The following CCBE1 variants were observed in gnomAD, a reference collection of about 807,000 sequenced individuals.
The protein encoded by CCBE1 is collagen and calcium-binding EGF domain-containing protein 1.
A neutral mutation model predicts 50.0 loss-of-function variants in CCBE1; 37 were observed. That is an observed-to-expected ratio of 0.74 (90% confidence interval 0.57 to 0.97). The LOEUF is 0.97. Among genes scored for constraint, CCBE1 ranks in the 50% least tolerant of loss-of-function variants. The pLI, the probability that CCBE1 is intolerant of heterozygous loss-of-function variation, is 0.00. For synonymous variants in CCBE1, 234 were observed against 203.7 expected (o/e 1.15, Z -1.27); for missense variants, 538 against 523.8 (o/e 1.03, Z -0.26).
At chr18:59,657,039 C>T (rs114192261) in intron 2 of CCBE1, among the ~76,000 whole-genome samples, 6 of 152,182 alleles carry the variant, frequency 3.9e-5, no homozygotes, top group African/African-American at 1.4e-4. Context: ...ATGTCTCCAC[C>T]CTTTGTCTTT....
intron 2 of CCBE1, among the ~76,000 whole-genome samples, chr18:59,604,379 T>C (rs1197453606): frequency 6.6e-6 from 1 of 152,194 alleles, no homozygotes; most frequent in Non-Finnish European, 1.5e-5. Context: ...GGCTGCATCA[T>C]CTTCCATTTT....
At chr18:59,647,844 A>G (rs556170586) in intron 2 of CCBE1, among the ~76,000 whole-genome samples, 9 of 152,332 alleles carry the variant, frequency 5.9e-5, no homozygotes, top group Non-Finnish European at 1.3e-4. Context: ...TTGAGTAAAA[A>G]TTTATTTTAA....
chr18:59,656,892 A>G (rs1026014508), intron 2 of CCBE1, among the ~76,000 whole-genome samples: 2 of 152,198 alleles, frequency 1.3e-5, no homozygotes, highest in Non-Finnish European at 1.5e-5. Flanking sequence ...GTAATCTGCC[A>G]TTAGCTAAGC....
intron 2 of CCBE1, among the ~76,000 whole-genome samples, chr18:59,572,868 C>T (rs371403045): frequency 1.4e-4 from 21 of 152,236 alleles, no homozygotes; most frequent in African/African-American, 3.4e-4. Context: ...TGTGTCAATC[C>T]GGTTAGACCA....
chr18:59,538,477 G>A (rs528256955), intron 2 of CCBE1, among the ~76,000 whole-genome samples: 2 of 152,168 alleles, frequency 1.3e-5, no homozygotes, highest in Non-Finnish European at 2.9e-5. Context: ...CCTGTCCATA[G>A]AGCATACATA....
intron 2 of CCBE1, among the ~76,000 whole-genome samples, chr18:59,674,063 G>A (rs1371005277): frequency 3.9e-5 from 6 of 152,086 alleles, no homozygotes; most frequent in East Asian, 1.9e-4. Context: ...CTATGAATCC[G>A]TCTGGTCCCA....
At chr18:59,530,057 T>C (rs1914988695) in intron 2 of CCBE1, among the ~76,000 whole-genome samples, 1 of 152,196 alleles carries the variant, frequency 6.6e-6, no homozygotes, top group Non-Finnish European at 1.5e-5. Flanking sequence ...TCTATGACGT[T>C]CCCAGGTGAT....
At chr18:59,654,227 A>G (rs887966956) in intron 2 of CCBE1, among the ~76,000 whole-genome samples, 3 of 152,334 alleles carry the variant, frequency 2.0e-5, no homozygotes, top group Middle Eastern at 3.4e-3. Context: ...AAAGTAATGT[A>G]TGATGGAAAT....
At chr18:59,506,476 G>A (rs1015006517) in intron 2 of CCBE1, among the ~76,000 whole-genome samples, 1 of 152,246 alleles carries the variant, frequency 6.6e-6, no homozygotes, top group African/African-American at 2.4e-5. Context: ...AGGAATGAAG[G>A]GAGGGAGAGG....
chr18:59,560,743 A>T (rs994558647), intron 2 of CCBE1, among the ~76,000 whole-genome samples: 1 of 152,218 alleles, frequency 6.6e-6, no homozygotes, highest in Admixed American at 6.5e-5. Flanking sequence ...AGAGTGTGGC[A>T]GGGCGGGTTA....
intron 2 of CCBE1, among the ~76,000 whole-genome samples, chr18:59,552,941 A>G (rs571341719): frequency 6.6e-6 from 1 of 152,230 alleles, no homozygotes; most frequent in Non-Finnish European, 1.5e-5. Context: ...AAAGATATAA[A>G]ACAGTAACAC....
At chr18:59,558,922 G>A (rs939193900) in intron 2 of CCBE1, among the ~76,000 whole-genome samples, 1 of 152,192 alleles carries the variant, frequency 6.6e-6, no homozygotes, top group Non-Finnish European at 1.5e-5. Flanking sequence ...ATAAAATCAC[G>A]TTTCACCTGC....
In CCBE1 at chr18:59,696,104, A is replaced by G. The variant is rs113423180; in HGVS notation, c.212+525T>C. On this transcript the variant is annotated intron_variant, in intron 2 of 10. Coordinates refer to ENST00000439986, the MANE Select transcript of CCBE1 (RefSeq NM_133459.4). ...AGGTGAATCTGTGGCCCACATTTTT[A>G]GAAAGACTTTTTTCCTCTGCCCCAA... Among the ~76,000 whole-genome samples, 136 of 151,522 alleles carry G rather than the reference A, an allele frequency of 9.0e-4. 1 individual carries two copies. Among genetic ancestry groups the G allele is most frequent in the African/African-American group, 3.3e-3 (133 of 40,818 alleles).
chr18:59,558,877 A>C (rs4608425), intron 2 of CCBE1, among the ~76,000 whole-genome samples: 89,253 of 152,060 alleles, frequency 0.59, 26,841 homozygotes, highest in East Asian at 0.79. Flanking sequence ...TGAGAAAGCT[A>C]GTTTGAGAAA....
At chr18:59,694,159 C>T (rs1294296948) in intron 2 of CCBE1, among the ~76,000 whole-genome samples, 4 of 152,030 alleles carry the variant, frequency 2.6e-5, no homozygotes, top group East Asian at 1.9e-4. Flanking sequence ...CATGAGCCAC[C>T]GCACCCGGCC....
chr18:59,544,474 A>C (rs1312626237), intron 2 of CCBE1, among the ~76,000 whole-genome samples: 1 of 152,260 alleles, frequency 6.6e-6, no homozygotes, highest in Non-Finnish European at 1.5e-5. Flanking sequence ...TGATCTTTTC[A>C]AACTACATAA....
intron 2 of CCBE1, among the ~76,000 whole-genome samples, chr18:59,617,199 G>A (rs557376828): frequency 6.6e-6 from 1 of 152,320 alleles, no homozygotes; most frequent in South Asian, 2.1e-4. Context: ...CATATGATTT[G>A]GGGTTGAAAA....
At chr18:59,591,648 A>G (rs540621098) in intron 2 of CCBE1, among the ~76,000 whole-genome samples, 7 of 152,346 alleles carry the variant, frequency 4.6e-5, no homozygotes, top group Admixed American at 4.6e-4. Flanking sequence ...AAAGAGCTCG[A>G]AAACACTCTG....
At chr18:59,618,880 T>C (rs1013081188) in intron 2 of CCBE1, among the ~76,000 whole-genome samples, 1 of 152,180 alleles carries the variant, frequency 6.6e-6, no homozygotes, top group Non-Finnish European at 1.5e-5. Flanking sequence ...GCTGAGAAAG[T>C]TTACATAACT....
Sources: allele counts gnomAD v4.1 joint callset (sites outside exome capture counted in the v4.1 genomes callset), GRCh38; gene constraint gnomAD v4.1.1; transcripts MANE v1.5; gene names NCBI Gene and HGNC (gene_info 2026-07-23, HGNC 2026-07-21).